ACTR3C: variants seen among roughly 807,000 people sequenced by gnomAD.
ACTR3C encodes the protein actin related protein 3C, also known as actin-related protein 3C.
Under a neutral mutation model 26.3 loss-of-function variants are expected in ACTR3C, and 18 were observed. The ratio of observed to expected loss-of-function variants is 0.68; its 90% CI spans 0.47 to 1.01. The LOEUF (loss-of-function observed/expected upper bound fraction) is 1.01. Ranked by LOEUF, ACTR3C falls within the 50% of genes least tolerant of loss-of-function variation. The pLI is 0.00. For synonymous variants in ACTR3C, 55 were observed against 94.5 expected, an observed-to-expected ratio of 0.58 and a Z score of 2.42; for missense variants, 184 against 250.7, an observed-to-expected ratio of 0.73 and a Z score of 1.80.
the ACTR3C span, among the ~76,000 whole-genome samples, chr7:150,087,940 A>G: frequency 6.6e-6 from 1 of 152,234 alleles, no homozygotes; most frequent in Non-Finnish European, 1.5e-5. Context: ...TTTCAGTAAC[A>G]AGGCAAAAAC....
chr7:150,211,065 C>T, the ACTR3C span, among the ~76,000 whole-genome samples: 1 of 150,104 alleles, frequency 6.7e-6, no homozygotes, highest in East Asian at 1.9e-4. Context: ...CTAAATATGA[C>T]AAACACCAAT....
chr7:150,231,005 T>G, the ACTR3C span, among the ~76,000 whole-genome samples: 1 of 152,192 alleles, frequency 6.6e-6, no homozygotes, highest in South Asian at 2.1e-4. Context: ...TGCTCTAATT[T>G]TTTTATGCTT....
the ACTR3C span, among the ~76,000 whole-genome samples, chr7:149,997,474 G>C: frequency 6.6e-5 from 10 of 151,980 alleles, no homozygotes; most frequent in East Asian, 5.8e-4. Flanking sequence ...GCTCACTGCT[G>C]TATCCAAGTG....
chr7:149,961,638 G>A, the ACTR3C span, among the ~76,000 whole-genome samples: 1 of 152,066 alleles, frequency 6.6e-6, no homozygotes, highest in Non-Finnish European at 1.5e-5. Flanking sequence ...GGGCTCACAG[G>A]AAGTATACAC....
At chr7:150,234,364 A>G in the ACTR3C span, among the ~76,000 whole-genome samples, 9,071 of 152,178 alleles carry the variant, frequency 0.06, 493 homozygotes, top group African/African-American at 0.14. Context: ...TTTATCCCTC[A>G]CTGGAGGGTA....
the ACTR3C span, among the ~76,000 whole-genome samples, chr7:150,038,660 A>T: frequency 2.1e-5 from 3 of 144,400 alleles, no homozygotes; most frequent in Non-Finnish European, 3.1e-5. Context: ...ATCCCACGTA[A>T]GGTCGGAAGA....
the ACTR3C span, among the ~76,000 whole-genome samples, chr7:149,931,317 C>T: frequency 6.6e-6 from 1 of 152,214 alleles, no homozygotes; most frequent in African/African-American, 2.4e-5. Context: ...TTTACTAGCA[C>T]TCCCTGCCAG....
At chr7:149,965,684 G>A in the ACTR3C span, among the ~76,000 whole-genome samples, 1 of 152,166 alleles carries the variant, frequency 6.6e-6, no homozygotes, top group South Asian at 2.1e-4. Flanking sequence ...GGTAAGTTTG[G>A]GCTAAAACTG....
chr7:150,295,603 A>G (rs1836684835), intron 1 of ACTR3C, among the ~76,000 whole-genome samples: 1 of 151,958 alleles, frequency 6.6e-6, no homozygotes, highest in African/African-American at 2.4e-5. Context: ...ACAGAAAAAG[A>G]AACTCTTATC....
chr7:150,052,240 C>T, the ACTR3C span, among the ~76,000 whole-genome samples: 1 of 151,264 alleles, frequency 6.6e-6, no homozygotes, highest in Non-Finnish European at 1.5e-5. Flanking sequence ...GTTTCTCACT[C>T]TCTATCTCTC....
the ACTR3C span, among the ~76,000 whole-genome samples, chr7:149,935,562 C>T: frequency 6.0e-5 from 9 of 148,798 alleles, no homozygotes; most frequent in East Asian, 1.6e-3. Flanking sequence ...CCACCATGCC[C>T]AGCTAATTTT....
At chr7:150,189,452 AT>A in the ACTR3C span, among the ~76,000 whole-genome samples, 1 of 151,500 alleles carries the variant, frequency 6.6e-6, no homozygotes, top group Admixed American at 6.6e-5. Context: ...ACAATTTCGT[AT>A]ATTTTGACAA....
the ACTR3C span, among the ~76,000 whole-genome samples, chr7:150,019,132 A>C: frequency 6.7e-5 from 10 of 150,272 alleles, no homozygotes; most frequent in African/African-American, 1.0e-4. Context: ...AAATCAAAAC[A>C]TGAAAGAGAT....
At chr7:149,992,878 C>T in the ACTR3C span, among the ~76,000 whole-genome samples, 2 of 152,188 alleles carry the variant, frequency 1.3e-5, no homozygotes, top group Non-Finnish European at 2.9e-5. Flanking sequence ...GTCCAAAAGC[C>T]TCAAAACCAG....
chr7:150,096,552 C>G, the ACTR3C span, among the ~76,000 whole-genome samples: 1 of 151,690 alleles, frequency 6.6e-6, no homozygotes, highest in African/African-American at 2.4e-5. Context: ...CAGGTCATGA[C>G]AATCCACTCA....
chr7:149,901,390 C>T, the ACTR3C span, among the ~76,000 whole-genome samples: 1 of 149,560 alleles, frequency 6.7e-6, no homozygotes, highest in Admixed American at 6.7e-5. Context: ...TTTTTAGAGA[C>T]AGGGTCTCAC....
At chr7:149,964,449 T>C in the ACTR3C span, among the ~76,000 whole-genome samples, 1 of 151,716 alleles carries the variant, frequency 6.6e-6, no homozygotes, top group African/African-American at 2.4e-5. Flanking sequence ...GGATAAAAAA[T>C]ATAGTGGGAG....
intron 1 of ACTR3C, among the ~76,000 whole-genome samples, chr7:150,321,704 C>T (rs911052052): frequency 2.0e-5 from 3 of 152,168 alleles, no homozygotes; most frequent in Non-Finnish European, 2.9e-5. Flanking sequence ...CACACCACTG[C>T]ACTCCAGCCT....
chr7:150,047,325 G>T, the ACTR3C span, among the ~76,000 whole-genome samples: 1 of 152,210 alleles, frequency 6.6e-6, no homozygotes, highest in Non-Finnish European at 1.5e-5. Context: ...GCACATCCAG[G>T]GAACGTAAGG....
Sources: allele counts gnomAD v4.1 joint callset (sites outside exome capture counted in the v4.1 genomes callset), GRCh38; gene constraint gnomAD v4.1.1; transcripts MANE v1.5; gene names NCBI Gene and HGNC (gene_info 2026-07-23, HGNC 2026-07-21).